Variants in ELAVL4 observed in about 807,000 individuals in gnomAD.
ELAVL4 encodes the protein ELAV like RNA binding protein 4, also known as ELAV-like protein 4.
In ELAVL4, 1 loss-of-function variant was observed where a neutral mutation model predicts 35.6. The observed-to-expected ratio is 0.03, with a 90% confidence interval of 0.01 to 0.13. ELAVL4 has a LOEUF of 0.13. Ranked by LOEUF, ELAVL4 falls within the 10% of genes least tolerant of loss-of-function variation. The pLI, the probability that ELAVL4 is intolerant of heterozygous loss-of-function variation, is 1.00. For missense variants in ELAVL4, 267 were observed against 464.9 expected, an observed-to-expected ratio of 0.57 and a Z score of 3.91; for synonymous variants, 156 against 171.0, an observed-to-expected ratio of 0.91 and a Z score of 0.69.
intron 1 of ELAVL4, among the ~76,000 whole-genome samples, chr1:50,057,299 TAA>T (rs1305478225): frequency 1.3e-5 from 2 of 152,164 alleles, no homozygotes; most frequent in African/African-American, 4.8e-5. Context: ...AGTGTTATTA[TAA>T]GAGTCTAAAA....
At chr1:50,127,835 T>C (rs912150117) in intron 1 of ELAVL4, among the ~76,000 whole-genome samples, 10 of 152,196 alleles carry the variant, frequency 6.6e-5, no homozygotes, top group Non-Finnish European at 1.2e-4. Flanking sequence ...TTAACTATTA[T>C]GCTATGCAAT....
intron 4 of ELAVL4, 117 bp from the exon 5 acceptor site, chr1:50,195,444 C>T: frequency 9.0e-7 from 1 of 1,110,074 alleles, no homozygotes; most frequent in Non-Finnish European, 1.3e-6. Context: ...TGGGCTCAGC[C>T]CTGGCACCAC....
chr1:50,192,515 GCACGCACACACACA>G (rs1435419769), intron 3 of ELAVL4, among the ~76,000 whole-genome samples: 27 of 80,350 alleles, frequency 3.4e-4, no homozygotes, highest in African/African-American at 1.1e-3. Flanking sequence ...GCTTTTGTGT[GCACGCACACACACA>G]CACACACACA....
chr1:50,071,308 C>A (rs187291810), intron 1 of ELAVL4, among the ~76,000 whole-genome samples: 2 of 152,240 alleles, frequency 1.3e-5, no homozygotes, highest in African/African-American at 4.8e-5. Context: ...TTTTGTCTAT[C>A]TAGTTTCCTT....
At chr1:50,138,088 C>T (rs1294955106) in intron 1 of ELAVL4, among the ~76,000 whole-genome samples, 3 of 152,168 alleles carry the variant, frequency 2.0e-5, no homozygotes, top group Non-Finnish European at 4.4e-5. Context: ...AGATGATTGA[C>T]ACTATATGCT....
intron 2 of ELAVL4, among the ~76,000 whole-genome samples, chr1:50,152,900 A>G (rs1037888126): frequency 6.6e-6 from 1 of 152,190 alleles, no homozygotes; most frequent in East Asian, 1.9e-4. Context: ...ATCAACCAAC[A>G]GTATTTATTT....
chr1:50,114,772 TTTG>T (rs897356103), intron 1 of ELAVL4, among the ~76,000 whole-genome samples: 2 of 152,142 alleles, frequency 1.3e-5, no homozygotes, highest in Non-Finnish European at 2.9e-5. Flanking sequence ...AGCCATTTTG[TTTG>T]TTGTTTACTT....
chr1:50,115,844 A>G (rs763459824), intron 1 of ELAVL4, among the ~76,000 whole-genome samples: 1 of 152,152 alleles, frequency 6.6e-6, no homozygotes, highest in Non-Finnish European at 1.5e-5. Context: ...CGTGGAATCC[A>G]AGGTCACCAT....
At chr1:50,159,054 A>AG (rs373497162) in intron 2 of ELAVL4, among the ~76,000 whole-genome samples, 31,876 of 150,036 alleles carry the variant, frequency 0.21, 3,489 homozygotes, top group East Asian at 0.35. Context: ...AAAAAAAAAA[A>AG]AAAGAAAGAA....
chr1:50,193,776 C>A lies in ELAVL4; in HGVS notation c.366C>A (p.Ala122=). ...LQTKTIKVSY[A]RPSSASIRDA... ...TTGCCTTTTCCTAGGTCTCATATGC[C>A]CGTCCGAGCTCTGCCTCAATCAGGG... is the stretch of plus-strand genomic sequence containing the variant. Residue 122 remains alanine, a synonymous_variant, in exon 4 of 7, where the codon GCC becomes GCA. Coordinates refer to ENST00000371824, the MANE Select transcript of ELAVL4 (RefSeq NM_001144774.3). 1 of 1,613,442 alleles carries A rather than the reference C, an allele frequency of 6.2e-7. No homozygotes were observed. Among genetic ancestry groups the A allele is most frequent in the Non-Finnish European group, 8.5e-7 (1 of 1,179,734 alleles).
At chr1:50,173,868 T>C (rs1679484572) in intron 2 of ELAVL4, among the ~76,000 whole-genome samples, 1 of 152,172 alleles carries the variant, frequency 6.6e-6, no homozygotes, top group Non-Finnish European at 1.5e-5. Context: ...TAAAAAGATA[T>C]TATTTCTGGA....
intron 1 of ELAVL4, among the ~76,000 whole-genome samples, chr1:50,078,774 C>T (rs1036305225): frequency 6.6e-6 from 1 of 152,186 alleles, no homozygotes; most frequent in Non-Finnish European, 1.5e-5. Flanking sequence ...CTTCTGTGCT[C>T]TCCCTGTGCA....
chr1:50,148,261 G>T (rs1674099665), intron 2 of ELAVL4, among the ~76,000 whole-genome samples: 1 of 152,060 alleles, frequency 6.6e-6, no homozygotes, highest in South Asian at 2.1e-4. Flanking sequence ...GCATGTACAG[G>T]GTAAAGACCC....
In ELAVL4 at chr1:50,165,809, T is replaced by C. The variant is rs1324487661; in HGVS notation, c.251-11280T>C. Among the ~76,000 whole-genome samples the C allele has an allele frequency of 2.0e-5, 3 of 151,322 alleles. No homozygotes were observed. In the East Asian group the frequency reaches 5.8e-4, roughly 29 times the overall value. On this transcript the variant is annotated intron_variant, in intron 2 of 6. Coordinates refer to ENST00000371824, the MANE Select transcript of ELAVL4 (RefSeq NM_001144774.3). ...GTGTATATATATGTGTATATGTGTG[T>C]GTGTATATATATATGTGTGTGTGTA...
At chr1:50,114,736 G>A (rs1667660189) in intron 1 of ELAVL4, among the ~76,000 whole-genome samples, 1 of 152,030 alleles carries the variant, frequency 6.6e-6, no homozygotes. Flanking sequence ...TCCAGTTTGG[G>A]ATGCTAGCTG....
At chr1:50,064,030 A>G (rs922452300) in intron 1 of ELAVL4, among the ~76,000 whole-genome samples, 2 of 152,186 alleles carry the variant, frequency 1.3e-5, no homozygotes, top group Admixed American at 6.5e-5. Flanking sequence ...AGAACAAATG[A>G]GGAATCCCAG....
chr1:50,200,868 T>C lies in ELAVL4; in HGVS notation c.791T>C (p.Ile264Thr), dbSNP rs765189019. 14 of 1,613,706 alleles carry C rather than the reference T, an allele frequency of 8.7e-6. No homozygotes were observed. Among genetic ancestry groups the C allele is most frequent in the Admixed American group, 3.3e-5 (2 of 59,970 alleles). ...YGVKRFSPIT[I>T]DGMTSLVGMN... ...CCCCCCAGGTTCTCCCCAATTACCA[T>C]TGATGGAATGACAAGCCTTGTGGGA... The change falls in exon 7 of 7, where the codon ATT (isoleucine) becomes ACT (threonine). Residue 264 changes from isoleucine (I) to threonine (T), a missense_variant. This residue lies in a region of ELAVL4 where 216 missense variants were observed against 409.5 expected (regional missense o/e 0.53). Coordinates refer to ENST00000371824, the MANE Select transcript of ELAVL4 (RefSeq NM_001144774.3).
upstream of ELAVL4, among the ~76,000 whole-genome samples, chr1:50,099,344 T>C (rs1242268134): frequency 6.6e-6 from 1 of 152,080 alleles, no homozygotes; most frequent in Admixed American, 6.5e-5. Context: ...GTGGATCACC[T>C]GAGGTCGGGA....
chr1:50,135,299 A>G (rs1304786299), intron 1 of ELAVL4, among the ~76,000 whole-genome samples: 2 of 152,180 alleles, frequency 1.3e-5, no homozygotes, highest in African/African-American at 4.8e-5. Flanking sequence ...TTGACAAATA[A>G]ACAAGTCATT....
Sources: allele counts gnomAD v4.1 joint callset (sites outside exome capture counted in the v4.1 genomes callset), GRCh38; gene constraint gnomAD v4.1.1; regional missense constraint gnomAD v4.1.1; transcripts MANE v1.5; gene names NCBI Gene and HGNC (gene_info 2026-07-23, HGNC 2026-07-21).